Variants in LPP observed in about 807,000 individuals in gnomAD.
LPP encodes the protein lipoma-preferred partner.
In LPP, 38 loss-of-function variants were observed where a neutral mutation model predicts 60.4. The ratio of observed to expected loss-of-function variants is 0.63; its 90% confidence interval spans 0.49 to 0.83. The LOEUF (loss-of-function observed/expected upper bound fraction) is 0.83, where lower values mean the gene tolerates loss of function less well. Ranked by LOEUF, LPP falls within the 40% of genes least tolerant of loss-of-function variation. The probability of loss-of-function intolerance (pLI) is 0.00; values close to 1 mark genes in which losing one functional copy is unlikely to be tolerated. For synonymous variants in LPP, 328 were observed against 290.8 expected (o/e 1.13, Z -1.30); for missense variants, 902 against 783.6 (o/e 1.15, Z -1.80).
intron 2 of LPP, among the ~76,000 whole-genome samples, chr3:188,334,894 A>C (rs931416273): frequency 3.3e-5 from 5 of 152,090 alleles, no homozygotes; most frequent in Admixed American, 6.6e-5. Context: ...CTTGGGTTAG[A>C]TGATATCTCA....
chr3:188,440,777 A>G (rs1793577973), intron 4 of LPP, among the ~76,000 whole-genome samples: 1 of 152,164 alleles, frequency 6.6e-6, no homozygotes, highest in Non-Finnish European at 1.5e-5. Context: ...TCTGACTGTG[A>G]ATGGAGGAGT....
chr3:188,214,187 A>G (rs1712548824), intron 1 of LPP, among the ~76,000 whole-genome samples: 1 of 151,722 alleles, frequency 6.6e-6, no homozygotes, highest in African/African-American at 2.4e-5. Context: ...CTGGAGTGCA[A>G]TGGCGCGATC....
At chr3:188,161,251 C>T (rs1417599450) in intron 1 of LPP, among the ~76,000 whole-genome samples, 1 of 152,026 alleles carries the variant, frequency 6.6e-6, no homozygotes, top group African/African-American at 2.4e-5. Flanking sequence ...AGACTGAGGG[C>T]AGGTTAAGAC....
chr3:188,763,010 G>T (rs932249467), intron 9 of LPP, among the ~76,000 whole-genome samples: 1 of 152,138 alleles, frequency 6.6e-6, no homozygotes, highest in South Asian at 2.1e-4. Flanking sequence ...TACTAGAAGT[G>T]TAAGGAGGTT....
chr3:188,842,019 A>G (rs368783656), intron 9 of LPP, among the ~76,000 whole-genome samples: 206 of 152,222 alleles, frequency 1.4e-3, no homozygotes, highest in African/African-American at 4.9e-3. Flanking sequence ...CTCTCTTTCT[A>G]TTTGAATACC....
At chr3:188,436,682 A>T (rs1353742190) in intron 4 of LPP, among the ~76,000 whole-genome samples, 2 of 152,224 alleles carry the variant, frequency 1.3e-5, no homozygotes, top group Non-Finnish European at 2.9e-5. Context: ...TAAAAATAGA[A>T]AACCAATTAG....
chr3:188,723,978 T>A (rs1282540993), intron 8 of LPP, among the ~76,000 whole-genome samples: 4 of 152,190 alleles, frequency 2.6e-5, no homozygotes, highest in Admixed American at 6.5e-5. Flanking sequence ...ATGATTTTTT[T>A]AAATATCTTT....
At chr3:188,484,198 A>G (rs1560463195) in intron 4 of LPP, among the ~76,000 whole-genome samples, 1 of 152,206 alleles carries the variant, frequency 6.6e-6, no homozygotes, top group South Asian at 2.1e-4. Flanking sequence ...TTATTCATGC[A>G]TCTTTATAAA....
At chr3:188,651,567 TA>T (rs1302899496) in intron 7 of LPP, among the ~76,000 whole-genome samples, 3 of 152,156 alleles carry the variant, frequency 2.0e-5, no homozygotes, top group African/African-American at 7.2e-5. Context: ...ATTTACAAAA[TA>T]AAGAAGTTTC....
At chr3:188,381,611 G>A (rs911696095) in intron 3 of LPP, among the ~76,000 whole-genome samples, 5 of 152,152 alleles carry the variant, frequency 3.3e-5, no homozygotes, top group African/African-American at 7.2e-5. Flanking sequence ...TCGGGGGACT[G>A]GATTGTGTCA....
At chr3:188,657,650 T>C (rs779611831) in intron 7 of LPP, among the ~76,000 whole-genome samples, 6 of 152,070 alleles carry the variant, frequency 3.9e-5, no homozygotes, top group Non-Finnish European at 8.8e-5. Context: ...TTTTACCCCA[T>C]ATTTCTTCAT....
chr3:188,843,595 G>T (rs1328986414), intron 9 of LPP, among the ~76,000 whole-genome samples: 2 of 151,242 alleles, frequency 1.3e-5, no homozygotes, highest in East Asian at 3.9e-4. Context: ...AGACCATCCC[G>T]GCTAAAACGG....
Position 188,484,702 on chromosome 3 carries a change from C to CAGGTAAGAGCTGAAGTTAAAGTCATGTT in LPP, c.306+27_306+54dup. On this transcript the variant is annotated frameshift_variant and splice_region_variant, in exon 5 of 12. Transcript: ENST00000617246. LOFTEE classifies it high-confidence loss of function. ...TCTTGATGAAGAGGCTTTCAAAGTA[C>CAGGTAAGAGCTGAAGTTAAAGTCATGTT]AGGTAAGAGCTGAAGTTAAAGTCAT... The CAGGTAAGAGCTGAAGTTAAAGTCATGTT allele has an allele frequency of 3.7e-6, 6 of 1,600,946 alleles. No individual in the cohort carries two copies. Among genetic ancestry groups the CAGGTAAGAGCTGAAGTTAAAGTCATGTT allele is most frequent in the African/African-American group, 1.3e-5 (1 of 74,566 alleles).
intron 7 of LPP, among the ~76,000 whole-genome samples, chr3:188,707,419 C>T (rs537187914): frequency 5.8e-4 from 88 of 152,278 alleles, no homozygotes; most frequent in African/African-American, 1.9e-3. Flanking sequence ...AACCTGGCCG[C>T]GCCAAAGCCC....
intron 3 of LPP, among the ~76,000 whole-genome samples, chr3:188,361,850 G>A (rs1409609827): frequency 1.3e-5 from 2 of 152,146 alleles, no homozygotes; most frequent in Non-Finnish European, 1.5e-5. Context: ...TTACGGGCGT[G>A]AGCCACTGTG....
intron 5 of LPP, among the ~76,000 whole-genome samples, chr3:188,512,025 C>T (rs765614744): frequency 3.9e-5 from 6 of 152,182 alleles, no homozygotes; most frequent in Admixed American, 2.6e-4. Context: ...TTTAGTCCTA[C>T]TTCAGCCCCT....
chr3:188,675,078 C>CG (rs5855217), intron 7 of LPP, among the ~76,000 whole-genome samples: 1 of 152,204 alleles, frequency 6.6e-6, no homozygotes, highest in Admixed American at 6.5e-5. Flanking sequence ...GAAATTTCTC[C>CG]CACAGCATTA....
At chr3:188,360,925 A>C (rs933276654) in intron 3 of LPP, among the ~76,000 whole-genome samples, 2 of 152,220 alleles carry the variant, frequency 1.3e-5, no homozygotes, top group African/African-American at 2.4e-5. Flanking sequence ...AGGTCAAATG[A>C]GATAGCGGGT....
intron 2 of LPP, among the ~76,000 whole-genome samples, chr3:188,332,936 T>A (rs2150533617): frequency 9.0e-6 from 1 of 111,100 alleles, no homozygotes; most frequent in African/African-American, 3.5e-5. Context: ...GTTGCATGCA[T>A]GCCATATTTT....
Sources: allele counts gnomAD v4.1 joint callset (sites outside exome capture counted in the v4.1 genomes callset), GRCh38; gene constraint gnomAD v4.1.1; transcripts MANE v1.5; gene names NCBI Gene and HGNC (gene_info 2026-07-23, HGNC 2026-07-21).